The following MSRA variants were observed in gnomAD, a reference collection of about 807,000 sequenced individuals.
The protein encoded by MSRA is mitochondrial peptide methionine sulfoxide reductase.
A neutral mutation model predicts 31.3 loss-of-function variants in MSRA; 54 were observed. The observed-to-expected ratio is 1.73, with a 90% CI of 1.39 to 2.17. MSRA has a LOEUF of 2.17. Among genes scored for constraint, MSRA ranks in the 30% most tolerant of loss-of-function variants. The pLI, the probability that MSRA is intolerant of heterozygous loss-of-function variation, is 0.00. For missense variants in MSRA, 507 were observed against 300.9 expected (o/e 1.69, Z -5.07); for synonymous variants, 169 against 116.5 (o/e 1.45, Z -2.90).
chr8:10,082,200 G>A (rs1420557431), intron 1 of MSRA, among the ~76,000 whole-genome samples: 1 of 152,092 alleles, frequency 6.6e-6, no homozygotes, highest in African/African-American at 2.4e-5. Flanking sequence ...GTGAAACCCT[G>A]CTGCTAAAAA....
At position 10,428,596 on chromosome 8, in the gene MSRA, A is replaced by G. The variant is rs1015542229; in HGVS notation, c.*284A>G. On this transcript the variant is annotated 3_prime_UTR_variant, in exon 6 of 6. Coordinates refer to ENST00000317173, the MANE Select transcript of MSRA (RefSeq NM_012331.5). ...GGATGCTGTGTTCACCCTTCTTGGTAGAAGCTAAGGTGTGAGCTGGGAGGT... is the reference window on the plus strand; with the variant it reads ...GGATGCTGTGTTCACCCTTCTTGGTGGAAGCTAAGGTGTGAGCTGGGAGGT... 1.0e-5 allele frequency: 4 copies of G among 382,152 alleles called. No individual in the cohort carries two copies. The highest frequency in any genetic ancestry group is 4.6e-5 in the Admixed American group (1 of 21,758). 23.7% of individuals were successfully genotyped at this position (382,152 alleles called of 1,614,324 possible).
intron 5 of MSRA, among the ~76,000 whole-genome samples, chr8:10,380,666 G>C (rs1240425541): frequency 6.6e-6 from 1 of 152,162 alleles, no homozygotes; most frequent in Non-Finnish European, 1.5e-5. Flanking sequence ...CCAGTAGTAT[G>C]CTTGGCGCAC....
chr8:10,237,258 C>A (rs1039598136), intron 2 of MSRA, among the ~76,000 whole-genome samples: 19 of 152,226 alleles, frequency 1.2e-4, no homozygotes, highest in African/African-American at 4.6e-4. Context: ...AAAGCTCCAG[C>A]CCACTGAATG....
intron 5 of MSRA, among the ~76,000 whole-genome samples, chr8:10,325,042 G>A: frequency 6.6e-6 from 1 of 152,166 alleles, no homozygotes; most frequent in East Asian, 1.9e-4. Flanking sequence ...TTGCAGAACT[G>A]GGTACTGTGG....
intron 5 of MSRA, among the ~76,000 whole-genome samples, chr8:10,392,682 T>C (rs1334434051): frequency 4.7e-5 from 1 of 21,470 alleles, no homozygotes; most frequent in Admixed American, 4.7e-4. Flanking sequence ...TCTCGGCCCT[T>C]TTTTTTTTTT....
intron 5 of MSRA, among the ~76,000 whole-genome samples, chr8:10,327,061 C>T (rs1802404242): frequency 1.3e-5 from 2 of 152,204 alleles, no homozygotes; most frequent in South Asian, 2.1e-4. Context: ...AAGCACAATG[C>T]TTTCTCTGGG....
chr8:10,104,099 G>C (rs1199888089), intron 1 of MSRA, among the ~76,000 whole-genome samples: 2 of 152,060 alleles, frequency 1.3e-5, no homozygotes, highest in Non-Finnish European at 2.9e-5. Flanking sequence ...TCTCATTTTA[G>C]CGTAGCCATT....
chr8:10,417,286 G>T (rs747235278), intron 5 of MSRA, among the ~76,000 whole-genome samples: 22 of 152,124 alleles, frequency 1.4e-4, no homozygotes, highest in Non-Finnish European at 2.6e-4. Context: ...GGTGGCCTGG[G>T]TTTGTCCTCC....
intron 1 of MSRA, among the ~76,000 whole-genome samples, chr8:10,152,797 A>G (rs181269760): frequency 2.6e-5 from 4 of 152,336 alleles, no homozygotes; most frequent in Admixed American, 6.5e-5. Context: ...AATGTGGTCT[A>G]TCTGTGCAAT....
chr8:10,077,349 T>C (rs1189479633), intron 1 of MSRA, among the ~76,000 whole-genome samples: 1 of 152,134 alleles, frequency 6.6e-6, no homozygotes, highest in Non-Finnish European at 1.5e-5. Flanking sequence ...GGGTAGGGTT[T>C]TTAAAGATGG....
intron 2 of MSRA, among the ~76,000 whole-genome samples, chr8:10,218,438 C>A (rs1246904233): frequency 6.6e-6 from 1 of 152,182 alleles, no homozygotes; most frequent in Admixed American, 6.5e-5. Context: ...AGCCACTGCG[C>A]CCGGCCCTGG....
chr8:10,106,440 G>A (rs1041113508), intron 1 of MSRA, among the ~76,000 whole-genome samples: 14 of 152,118 alleles, frequency 9.2e-5, no homozygotes, highest in South Asian at 4.1e-4. Context: ...TTCCTCTACT[G>A]TTTAAAAGTT....
intron 5 of MSRA, among the ~76,000 whole-genome samples, chr8:10,410,108 A>T (rs923226098): frequency 2.0e-5 from 3 of 152,174 alleles, no homozygotes; most frequent in African/African-American, 7.2e-5. Context: ...GAAAAAGATG[A>T]TCCTCCGAGC....
chr8:10,205,318 G>A (rs1273706738), intron 1 of MSRA, among the ~76,000 whole-genome samples: 1 of 152,096 alleles, frequency 6.6e-6, no homozygotes, highest in East Asian at 1.9e-4. Context: ...TGAGGGGGAT[G>A]CTACAGGTGT....
chr8:10,286,956 A>G (rs1269197710), intron 3 of MSRA, among the ~76,000 whole-genome samples: 3 of 152,228 alleles, frequency 2.0e-5, no homozygotes, highest in African/African-American at 7.2e-5. Flanking sequence ...CTGACAAGGA[A>G]GTCGAGACTC....
intron 1 of MSRA, chr8:10,095,526 G>A (rs1799092653): frequency 1.3e-5 from 13 of 985,336 alleles, no homozygotes; most frequent in Middle Eastern, 1.0e-3. Context: ...AAGACTGCTC[G>A]GAAGGTTGCC....
intron 5 of MSRA, among the ~76,000 whole-genome samples, chr8:10,331,676 G>T (rs1194898601): frequency 6.6e-6 from 1 of 152,074 alleles, no homozygotes; most frequent in South Asian, 2.1e-4. Flanking sequence ...GTATCCAATG[G>T]GGATTGCTTC....
intron 5 of MSRA, among the ~76,000 whole-genome samples, chr8:10,395,305 A>G (rs1348631415): frequency 3.9e-5 from 6 of 152,166 alleles, no homozygotes; most frequent in East Asian, 1.9e-4. Context: ...GGGAGAGGCA[A>G]TGCCTTATAG....
chr8:10,313,286 T>A (rs1041145006), intron 4 of MSRA, among the ~76,000 whole-genome samples: 1 of 152,152 alleles, frequency 6.6e-6, no homozygotes, highest in Non-Finnish European at 1.5e-5. Flanking sequence ...TTGAAGGTGG[T>A]GAAGCTTCTG....
Sources: allele counts gnomAD v4.1 joint callset (sites outside exome capture counted in the v4.1 genomes callset), GRCh38; gene constraint gnomAD v4.1.1; transcripts MANE v1.5; gene names NCBI Gene and HGNC (gene_info 2026-07-23, HGNC 2026-07-21).